FOSL2: variants seen among roughly 807,000 people sequenced by gnomAD.
FOSL2 encodes FOS like 2, AP-1 transcription factor subunit.
A neutral mutation model predicts 27.7 loss-of-function variants in FOSL2; 3 were observed. The ratio of observed to expected loss-of-function variants is 0.11; its 90% CI spans 0.05 to 0.28. The LOEUF is 0.28. Among genes scored for constraint, FOSL2 ranks in the 10% least tolerant of loss-of-function variants. The pLI is 1.00. For missense variants in FOSL2, 333 were observed against 445.1 expected (o/e 0.75, Z 2.27); for synonymous variants, 179 against 190.1 (o/e 0.94, Z 0.48).
At chr2:28,410,409 G>GCCTCCCCCA (rs1664167107) in intron 3 of FOSL2, 1 of 157,128 alleles carries the variant, frequency 6.4e-6, no homozygotes, top group South Asian at 2.1e-4. Context: ...CTACTCCCCT[G>GCCTCCCCCA]CCTCCCCCAC....
chr2:28,401,234 G>A (rs755347054), intron 1 of FOSL2, among the ~76,000 whole-genome samples: 65 of 125,952 alleles, frequency 5.2e-4, no homozygotes, highest in Admixed American at 2.5e-3. Context: ...TCTCCTTGGG[G>A]GTTTAAAAAA....
intron 1 of FOSL2, chr2:28,394,650 AAGC>A (rs1181039377): frequency 6.6e-6 from 1 of 152,300 alleles, no homozygotes; most frequent in Non-Finnish European, 1.5e-5. Context: ...CTTGTTTCTA[AAGC>A]AGCCGGACTG....
chr2:28,415,903 C>G lies in FOSL2; in HGVS notation c.*3455C>G, dbSNP rs1236856065. On this transcript the variant is annotated 3_prime_UTR_variant, in exon 4 of 4. Transcript: ENST00000264716. ...AAGGACTTATCCCCTACAATATTCTCCCACTCCATACTTCTCCTTCTACCC... is the reference window on the plus strand; with the variant it reads ...AAGGACTTATCCCCTACAATATTCTGCCACTCCATACTTCTCCTTCTACCC... The G allele has an allele frequency of 2.6e-5, 4 of 152,208 alleles. No homozygotes were observed. 9.4% of individuals were successfully genotyped at this position (152,208 alleles called of 1,614,324 possible).
Position 28,393,610 on chromosome 2 carries a change from A to G in FOSL2, c.-111A>G. The G allele has an allele frequency of 1.3e-6, 1 of 753,214 alleles. No individual in the cohort carries two copies. Among genetic ancestry groups the G allele is most frequent in the South Asian group, 1.8e-5 (1 of 56,886 alleles). The allele number at this position is 753,214 out of a possible 1,614,324, so 46.7% of individuals were successfully genotyped here. The stretch of plus-strand genomic sequence containing the variant: ...GGAGAAACCCAGGAGCGAAGCCCAG[A>G]GCCCGCGGCGCGGCCGGCGGACGAA... On this transcript the variant is annotated 5_prime_UTR_variant, in exon 1 of 4. Coordinates refer to ENST00000264716, the MANE Select transcript of FOSL2 (RefSeq NM_005253.4). This position sits in a 1 kb window ranked among gnomAD's most constrained non-coding sequence, Gnocchi z 4.6.
rs543449849 is a variant in FOSL2 at position 28,398,034 on chromosome 2, A to G, written c.102+4212A>G. On this transcript the variant is annotated intron_variant, in intron 1 of 3. Coordinates refer to ENST00000264716, the MANE Select transcript of FOSL2 (RefSeq NM_005253.4). ...AGCATGCCCACGACAAAGGACACCA[A>G]AGCAGGCACCTTTGCCGTCAATAAC... Among the ~76,000 whole-genome samples, 3 of 152,360 alleles carry G rather than the reference A, an allele frequency of 2.0e-5. No individual in the cohort carries two copies. In the East Asian group the frequency reaches 5.8e-4, roughly 29 times the overall value.
At chr2:28,403,561 A>G (rs1664016586) in intron 1 of FOSL2, among the ~76,000 whole-genome samples, 1 of 152,174 alleles carries the variant, frequency 6.6e-6, no homozygotes, top group African/African-American at 2.4e-5. Context: ...CTGTGCCCTG[A>G]TGGAGTCATA....
intron 3 of FOSL2, among the ~76,000 whole-genome samples, chr2:28,411,687 G>C (rs949330980): frequency 1.3e-5 from 2 of 152,206 alleles, no homozygotes; most frequent in African/African-American, 4.8e-5. Flanking sequence ...GCACAAAGTA[G>C]GTGCTGGGTT....
chr2:28,393,477 A>G lies in FOSL2; in HGVS notation c.-244A>G, dbSNP rs370249711. The G allele has an allele frequency of 8.4e-6, 4 of 477,152 alleles. No individual in the cohort carries two copies. The highest frequency in any genetic ancestry group is 4.3e-5 in the Admixed American group (1 of 23,044). 29.6% of individuals were successfully genotyped at this position (477,152 alleles called of 1,614,324 possible). A position where few individuals can be genotyped will look rare whatever the true frequency, so the allele number is the denominator to read the frequency against. On this transcript the variant is annotated 5_prime_UTR_variant, in exon 1 of 4. Coordinates refer to ENST00000264716, the MANE Select transcript of FOSL2 (RefSeq NM_005253.4). The surrounding 1 kb of genome is among the most constrained non-coding windows in gnomAD (Gnocchi z 4.6). Reference sequence around the variant, plus strand: ...TTTAGAGGGAGGGATCGGGTGGACAACTGGTCCCGCGGCGCTCGCAGAGCC... The same window carrying G: ...TTTAGAGGGAGGGATCGGGTGGACAGCTGGTCCCGCGGCGCTCGCAGAGCC...
At position 28,404,261 on chromosome 2, in the gene FOSL2, C is replaced by T. The variant is rs189699153; in HGVS notation, c.257C>T (p.Pro86Leu). The T allele has an allele frequency of 2.6e-4, 421 of 1,614,186 alleles. No homozygotes were observed. The highest frequency in any genetic ancestry group is 3.5e-4 in the Non-Finnish European group (409 of 1,180,040). Reference protein sequence around the residue: ...YPRSHPYSPLPGLASVPGHMA... With the variant: ...YPRSHPYSPLLGLASVPGHMA... ...CGCTCGCACCCCTACAGCCCCCTGC[C>T]GGGCCTGGCCTCTGTCCCTGGACAC... The change falls in exon 2 of 4, where the codon CCG (proline) becomes CTG (leucine). Residue 86 changes from proline to leucine, a missense_variant. By Grantham distance (98) the Pro-to-Leu change is moderately conservative. This residue lies in a region of FOSL2 where 131 missense variants were observed against 157.9 expected (regional missense o/e 0.83). Transcript: ENST00000264716. This position sits in a 1 kb window ranked among gnomAD's most constrained non-coding sequence, Gnocchi z 4.7.
Position 28,392,956 on chromosome 2 carries a change from GA to G in FOSL2, c.-764del. ...GGGGACAGAAAGAGGGAGAGAGAGA[GA>G]GAGAGAGAGGGAGAGGCGCGGCCGG... On this transcript the variant is annotated 5_prime_UTR_variant, in exon 1 of 4. Coordinates refer to ENST00000264716, the MANE Select transcript of FOSL2 (RefSeq NM_005253.4). 1 of 698,542 alleles carries G rather than the reference GA, an allele frequency of 1.4e-6. No homozygotes were observed. Among genetic ancestry groups the G allele is most frequent in the South Asian group, 1.5e-5 (1 of 66,512 alleles). The allele number at this position is 698,542 out of a possible 1,614,324, so 43.3% of individuals were successfully genotyped here. A position where few individuals can be genotyped will look rare whatever the true frequency, so the allele number is the denominator to read the frequency against.
Position 28,413,870 on chromosome 2 carries a change from G to A in FOSL2, c.*1422G>A. ...TGTCTGTTGAATCTTTCTGGCTGCT[G>A]GAATTGGAGATAGGATGTTTTGCTT... On this transcript the variant is annotated 3_prime_UTR_variant, in exon 4 of 4. Coordinates refer to ENST00000264716, the MANE Select transcript of FOSL2 (RefSeq NM_005253.4). 1.0e-5 allele frequency: 4 copies of A among 398,814 alleles called. No individual in the cohort carries two copies. Among genetic ancestry groups the A allele is most frequent in the Admixed American group, 8.8e-5 (2 of 22,750 alleles). 24.7% of individuals were successfully genotyped at this position (398,814 alleles called of 1,614,324 possible).
At chr2:28,397,180 G>A (rs1265582445) in intron 1 of FOSL2, 1 of 151,678 alleles carries the variant, frequency 6.6e-6, no homozygotes, top group African/African-American at 2.4e-5. Flanking sequence ...GTGCTTTTTC[G>A]TTGTGCACAA....
At chr2:28,399,723 T>C (rs993807098) in intron 1 of FOSL2, among the ~76,000 whole-genome samples, 1 of 152,174 alleles carries the variant, frequency 6.6e-6, no homozygotes, top group Non-Finnish European at 1.5e-5. Context: ...TCTTATTTCC[T>C]CTGTATTCGT....
In FOSL2 at chr2:28,404,763, G is replaced by T. The variant is rs755475070; in HGVS notation, c.354+405G>T. ...AGCTTTTTAGGATTATCCCTTAGCC[G>T]TCTCCCAGGGTCTAGTGCAGGCCAG... On this transcript the variant is annotated intron_variant, in intron 2 of 3. Coordinates refer to ENST00000264716, the MANE Select transcript of FOSL2 (RefSeq NM_005253.4). The surrounding 1 kb of genome is among the most constrained non-coding windows in gnomAD (Gnocchi z 4.7). Among the ~76,000 whole-genome samples the T allele has an allele frequency of 6.6e-6, 1 of 152,160 alleles. No homozygotes were observed. Among genetic ancestry groups the T allele is most frequent in the Non-Finnish European group, 1.5e-5 (1 of 68,038 alleles).
chr2:28,394,931 G>C (rs1558563703), intron 1 of FOSL2, among the ~76,000 whole-genome samples: 1 of 152,192 alleles, frequency 6.6e-6, no homozygotes, highest in Non-Finnish European at 1.5e-5. Context: ...GGCTAGGGTG[G>C]GCTTCCAGGG....
intron 3 of FOSL2, among the ~76,000 whole-genome samples, chr2:28,411,699 T>C (rs1664201306): frequency 6.6e-6 from 1 of 152,052 alleles, no homozygotes; most frequent in African/African-American, 2.4e-5. Context: ...TGCTGGGTTA[T>C]GGCAGCTGCA....
chr2:28,402,474 A>G (rs995811382), intron 1 of FOSL2, among the ~76,000 whole-genome samples: 2 of 152,278 alleles, frequency 1.3e-5, no homozygotes, highest in African/African-American at 4.8e-5. Flanking sequence ...TTTACACAGC[A>G]GGAACCCTGA....
At position 28,404,034 on chromosome 2, in the gene FOSL2, G is replaced by T; in HGVS notation, c.103-73G>T. On this transcript the variant is annotated intron_variant, in intron 1 of 3. Transcript: ENST00000264716. The surrounding 1 kb of genome is among the most constrained non-coding windows in gnomAD (Gnocchi z 4.7). ...CTGTGCTGGTTTTTGCCTCAGCTCT[G>T]TTCAATTATTATTAACTATCCTGTT... 1 of 1,567,938 alleles carries T rather than the reference G, an allele frequency of 6.4e-7. No homozygotes were observed. The highest frequency in any genetic ancestry group is 8.7e-7 in the Non-Finnish European group (1 of 1,149,368).
At chr2:28,394,016 A>C (rs1439311520) in intron 1 of FOSL2, among the ~76,000 whole-genome samples, 194 bp downstream of exon 1, 2 of 146,294 alleles carry the variant, frequency 1.4e-5, no homozygotes, top group Non-Finnish European at 3.0e-5. Context: ...GTGGGCTTGA[A>C]GAGACAACAT....
Sources: allele counts gnomAD v4.1 joint callset (sites outside exome capture counted in the v4.1 genomes callset), GRCh38; gene constraint gnomAD v4.1.1; regional missense constraint gnomAD v4.1.1; non-coding constraint Gnocchi (gnomAD v3.1); transcripts MANE v1.5; gene names NCBI Gene and HGNC (gene_info 2026-07-23, HGNC 2026-07-21).